Variants in VAMP4 observed in about 807,000 individuals in gnomAD.
VAMP4 encodes vesicle associated membrane protein 4.
VAMP4 carries 19 observed loss-of-function variants against 23.5 expected under a neutral mutation model. The ratio of observed to expected loss-of-function variants is 0.81; its 90% CI spans 0.56 to 1.19. The LOEUF (loss-of-function observed/expected upper bound fraction) is 1.19, where lower values mean the gene tolerates loss of function less well. Among genes scored for constraint, VAMP4 ranks in the 50% most tolerant of loss-of-function variants. The probability of loss-of-function intolerance (pLI) is 0.00; values close to 1 mark genes in which losing one functional copy is unlikely to be tolerated. For missense variants in VAMP4, 145 were observed against 168.6 expected, an observed-to-expected ratio of 0.86 and a Z score of 0.78; for synonymous variants, 31 against 51.0, an observed-to-expected ratio of 0.61 and a Z score of 1.67.
In VAMP4 at chr1:171,728,544, A is replaced by C. The variant is rs199778923; in HGVS notation, c.93T>G (p.Asp31Glu). 1 of 1,551,222 alleles carries C rather than the reference A, an allele frequency of 6.4e-7. No individual in the cohort carries two copies. The highest frequency in any genetic ancestry group is 1.4e-5 in the African/African-American group (1 of 72,092). ...ERRNLLEDDS[D>E]EEEDFFLRGP... is the part of the protein sequence containing the mutation. ...CTTACAGAAAAAAGTCCTCTTCTTC[A>C]TCTGAATCATCTTCCAAAAGATTTC... The change falls in exon 3 of 8, where the codon GAT becomes GAG. Residue 31 changes from aspartate to glutamate, a missense_variant. Asp to Glu is a conservative substitution (Grantham distance 45). Coordinates refer to ENST00000236192, the MANE Select transcript of VAMP4 (RefSeq NM_003762.5).
At chr1:171,707,514 C>T (rs937938372) in intron 6 of VAMP4, among the ~76,000 whole-genome samples, 1 of 152,100 alleles carries the variant, frequency 6.6e-6, no homozygotes, top group Non-Finnish European at 1.5e-5. Context: ...TCTTAAAACC[C>T]TTCTGAAATT....
At chr1:171,713,558 C>A (rs899016963) in intron 4 of VAMP4, among the ~76,000 whole-genome samples, 3 of 152,190 alleles carry the variant, frequency 2.0e-5, no homozygotes, top group East Asian at 1.9e-4. Flanking sequence ...AAAGGCCAGG[C>A]CTGGTGGTTC....
intron 7 of VAMP4, among the ~76,000 whole-genome samples, chr1:171,705,010 T>C (rs892074231): frequency 6.6e-6 from 1 of 152,090 alleles, no homozygotes; most frequent in Non-Finnish European, 1.5e-5. Context: ...GCTCACTATA[T>C]ATACATGATT....
chr1:171,730,104 C>T (rs1655515176), intron 2 of VAMP4, among the ~76,000 whole-genome samples: 1 of 152,176 alleles, frequency 6.6e-6, no homozygotes, highest in African/African-American at 2.4e-5. Context: ...CCAGAAAGAA[C>T]ATAGCCCTAC....
intron 2 of VAMP4, among the ~76,000 whole-genome samples, chr1:171,733,759 A>G (rs1201040300): frequency 6.6e-6 from 1 of 152,180 alleles, no homozygotes; most frequent in Non-Finnish European, 1.5e-5. Context: ...CCACTTTGGA[A>G]AACAGCTGGG....
chr1:171,734,022 C>A (rs1308449419), intron 2 of VAMP4, among the ~76,000 whole-genome samples: 1 of 152,144 alleles, frequency 6.6e-6, no homozygotes, highest in Non-Finnish European at 1.5e-5. Flanking sequence ...TCTCCCAGCA[C>A]TTTGGGAGGC....
chr1:171,719,085 C>T, intron 4 of VAMP4, 86 bp downstream of exon 4: 1 of 1,181,106 alleles, frequency 8.5e-7, no homozygotes, highest in Non-Finnish European at 1.2e-6. Flanking sequence ...CAGGCTGCAG[C>T]CAGATTTGGC....
At chr1:171,724,409 A>G (rs1319530294) in intron 3 of VAMP4, among the ~76,000 whole-genome samples, 3 of 152,164 alleles carry the variant, frequency 2.0e-5, no homozygotes, top group Non-Finnish European at 1.5e-5. Context: ...CCAACATGGC[A>G]CATGCATACA....
At chr1:171,704,651 C>A in intron 7 of VAMP4, 117 bp from the exon 8 acceptor site, 3 of 722,980 alleles carry the variant, frequency 4.1e-6, no homozygotes, top group South Asian at 4.2e-5. Context: ...TGAGGATTGA[C>A]TGAACTTTTA....
chr1:171,728,051 C>T (rs577661649), intron 3 of VAMP4, among the ~76,000 whole-genome samples: 1 of 152,224 alleles, frequency 6.6e-6, no homozygotes, highest in South Asian at 2.1e-4. Flanking sequence ...TTTTGCTTTC[C>T]ACAGTTTCAG....
chr1:171,713,654 G>A (rs1420329299), intron 4 of VAMP4, among the ~76,000 whole-genome samples: 1 of 152,056 alleles, frequency 6.6e-6, no homozygotes, highest in Non-Finnish European at 1.5e-5. Flanking sequence ...GCAACAGAGT[G>A]AGCCCTTGTC....
chr1:171,722,650 A>G (rs1558110700), intron 3 of VAMP4, among the ~76,000 whole-genome samples: 1 of 152,236 alleles, frequency 6.6e-6, no homozygotes, highest in South Asian at 2.1e-4. Flanking sequence ...CAGACACATG[A>G]AAAAATGCTC....
At position 171,703,423 on chromosome 1, in the gene VAMP4, GTGTATATATA is replaced by G. The variant is rs1343629633; in HGVS notation, c.*1073_*1082del. On this transcript the variant is annotated 3_prime_UTR_variant, in exon 8 of 8. Coordinates refer to ENST00000236192, the MANE Select transcript of VAMP4 (RefSeq NM_003762.5). ...TGTGTGTGTGTGTGTGTGTGTTTGT[GTGTATATATA>G]TATATATATATATATATATATATAT... 9.8e-4 allele frequency: 80 copies of G among 81,924 alleles called. 3 individuals are homozygous for G. Among genetic ancestry groups the G allele is most frequent in the Middle Eastern group, 6.3e-3 (1 of 158 alleles). The allele number at this position is 81,924 out of a possible 1,614,324, so 5.1% of individuals were successfully genotyped here. A position where few individuals can be genotyped will look rare whatever the true frequency, so the allele number is the denominator to read the frequency against.
intron 3 of VAMP4, among the ~76,000 whole-genome samples, chr1:171,727,836 G>A (rs1169968431): frequency 2.0e-5 from 3 of 152,042 alleles, no homozygotes; most frequent in Non-Finnish European, 1.5e-5. Context: ...TTAAAAAGGG[G>A]GCATACTGCA....
chr1:171,700,883 A>G lies in VAMP4; in HGVS notation c.*3623T>C, dbSNP rs1050722183. ...TTGGGTTGGTCATGCTTTCTTTTCA[A>G]TTCCTACTGATTTGTTCCAAGAAGC... On this transcript the variant is annotated 3_prime_UTR_variant, in exon 8 of 8. Coordinates refer to ENST00000236192, the MANE Select transcript of VAMP4 (RefSeq NM_003762.5). 3 of 152,130 alleles carry G rather than the reference A, an allele frequency of 2.0e-5. No homozygotes were observed. The highest frequency in any genetic ancestry group is 2.0e-4 in the Admixed American group (3 of 15,278). The allele number at this position is 152,130 out of a possible 1,614,324, so 9.4% of individuals were successfully genotyped here. A position where few individuals can be genotyped will look rare whatever the true frequency, so the allele number is the denominator to read the frequency against.
In VAMP4 at chr1:171,739,346, G is replaced by A. The variant is rs886759595; in HGVS notation, c.-49-883C>T. Among the ~76,000 whole-genome samples, 3 of 152,236 alleles carry A rather than the reference G, an allele frequency of 2.0e-5. No individual in the cohort carries two copies. The East Asian group carries it at 5.8e-4, about 29-fold the overall frequency. ...GAGCTTCCCAAAAGCTGAACAAGTA[G>A]AGAGTTCCTGGACGGTGGCACACCT... On this transcript the variant is annotated intron_variant, in intron 1 of 7. Transcript: ENST00000236192.
intron 4 of VAMP4, among the ~76,000 whole-genome samples, chr1:171,715,762 A>G (rs1287579102): frequency 6.6e-6 from 1 of 152,204 alleles, no homozygotes; most frequent in African/African-American, 2.4e-5. Flanking sequence ...CAATCCTAGC[A>G]TTCTGGGAGA....
chr1:171,724,860 A>T (rs555299622), intron 3 of VAMP4, among the ~76,000 whole-genome samples: 1 of 152,336 alleles, frequency 6.6e-6, no homozygotes, highest in East Asian at 1.9e-4. Context: ...TTACTATGGT[A>T]TTGATGTAAG....
chr1:171,740,053 C>T (rs1163237938), intron 1 of VAMP4, among the ~76,000 whole-genome samples: 3 of 152,226 alleles, frequency 2.0e-5, no homozygotes, highest in Admixed American at 2.0e-4. Context: ...CAGTGATACA[C>T]ATGCATTTTC....
Sources: allele counts gnomAD v4.1 joint callset (sites outside exome capture counted in the v4.1 genomes callset), GRCh38; gene constraint gnomAD v4.1.1; transcripts MANE v1.5; gene names NCBI Gene and HGNC (gene_info 2026-07-23, HGNC 2026-07-21).